GDPD5: variants seen among roughly 807,000 people sequenced by gnomAD.
GDPD5 encodes glycerophosphodiester phosphodiesterase domain containing 5.
GDPD5 carries 48 observed loss-of-function variants against 75.1 expected under a neutral mutation model. The observed-to-expected ratio is 0.64, with a 90% CI of 0.51 to 0.81. The LOEUF is 0.81. Ranked by LOEUF, GDPD5 falls within the 40% of genes least tolerant of loss-of-function variation. The pLI is 0.00. For missense variants in GDPD5, 706 were observed against 822.6 expected (o/e 0.86, Z 1.73); for synonymous variants, 336 against 339.0 (o/e 0.99, Z 0.10).
At chr11:75,462,513 C>T (rs1949435921) in intron 4 of GDPD5, among the ~76,000 whole-genome samples, 2 of 152,192 alleles carry the variant, frequency 1.3e-5, no homozygotes, top group Non-Finnish European at 2.9e-5. Context: ...TCTCTGTTTC[C>T]TCCTCCTCTT....
chr11:75,522,985 G>A (rs1489427871), intron 1 of GDPD5, among the ~76,000 whole-genome samples: 1 of 152,006 alleles, frequency 6.6e-6, no homozygotes, highest in Non-Finnish European at 1.5e-5. Flanking sequence ...ACAGCAGCCT[G>A]AGCTGAGCAA....
chr11:75,461,983 C>A (rs148819263), intron 4 of GDPD5, among the ~76,000 whole-genome samples: 109 of 151,062 alleles, frequency 7.2e-4, no homozygotes, highest in African/African-American at 2.4e-3. Context: ...CCTCCTGTAC[C>A]CAGGTAAGTG....
intron 15 of GDPD5, chr11:75,439,208 G>GCGAGC (rs1357382139): frequency 1.8e-5 from 7 of 396,932 alleles, no homozygotes; most frequent in African/African-American, 4.1e-5. Flanking sequence ...GAGGCTTCAG[G>GCGAGC]CGAGCGCGCT....
chr11:75,495,474 G>C (rs1950192536), intron 1 of GDPD5, among the ~76,000 whole-genome samples: 1 of 151,044 alleles, frequency 6.6e-6, no homozygotes, highest in African/African-American at 2.4e-5. Flanking sequence ...CTCAAAAAAA[G>C]AAAAAAAAGA....
intron 4 of GDPD5, among the ~76,000 whole-genome samples, chr11:75,461,755 C>T (rs771114149): frequency 6.6e-6 from 1 of 152,196 alleles, no homozygotes; most frequent in African/African-American, 2.4e-5. Flanking sequence ...TGCTCATCGC[C>T]ATGCTGACCT....
chr11:75,441,038 T>C (rs757158387), intron 14 of GDPD5, 125 bp downstream of exon 14: 16 of 925,556 alleles, frequency 1.7e-5, no homozygotes, highest in Non-Finnish European at 2.7e-5. Context: ...ACGCCCACCA[T>C]GGACTCCCCA....
intron 4 of GDPD5, among the ~76,000 whole-genome samples, chr11:75,459,319 G>A (rs1189351657): frequency 1.3e-5 from 2 of 148,172 alleles, no homozygotes; most frequent in East Asian, 4.1e-4. Flanking sequence ...ACAATTATAG[G>A]GTCAAAGAGA....
At chr11:75,501,845 G>T (rs1021167103) in intron 1 of GDPD5, among the ~76,000 whole-genome samples, 18 of 152,298 alleles carry the variant, frequency 1.2e-4, no homozygotes, top group African/African-American at 4.3e-4. Context: ...TCTGAGCAGA[G>T]AACAATCATG....
At chr11:75,493,266 T>C (rs1165933310) in intron 1 of GDPD5, among the ~76,000 whole-genome samples, 6 of 91,622 alleles carry the variant, frequency 6.5e-5, no homozygotes, top group Non-Finnish European at 9.9e-5. Flanking sequence ...CACACACAAA[T>C]AAATTCATTA....
chr11:75,475,791 T>C (rs192530299), intron 3 of GDPD5, among the ~76,000 whole-genome samples: 99 of 152,272 alleles, frequency 6.5e-4, no homozygotes, highest in African/African-American at 2.3e-3. Context: ...GCCTAGCTCA[T>C]GGCCCCCTGC....
At position 75,503,177 on chromosome 11, in the gene GDPD5, GC is replaced by G. The variant is rs1950328283; in HGVS notation, c.-144-12858del. Among the ~76,000 whole-genome samples the G allele has an allele frequency of 2.0e-5, 3 of 152,252 alleles. No homozygotes were observed. In the South Asian group the frequency reaches 6.2e-4, roughly 32 times the overall value. ...TGGGATTACATGTGTGCACCACCAT[GC>G]CCAGCTAATTTTTGTATTTTTAATA... On this transcript the variant is annotated intron_variant, in intron 1 of 16. Transcript: ENST00000336898.
In GDPD5 at chr11:75,441,776, GC is replaced by G. The variant is rs1167770711; in HGVS notation, c.1194del (p.Arg398SerfsTer32). The G allele has an allele frequency of 6.2e-7, 1 of 1,610,140 alleles. No homozygotes were observed. Among genetic ancestry groups the G allele is most frequent in the Non-Finnish European group, 8.5e-7 (1 of 1,179,862 alleles). On this transcript the variant is annotated frameshift_variant, in exon 13 of 17. Transcript: ENST00000336898. LOFTEE classifies it high-confidence loss of function. Reference sequence around the variant, plus strand: ...CCGGGAGCCACCTTCCGCACCAGGGGCCTCTGCCTGCTAGGCAGCCACATGA... The same window carrying G: ...CCGGGAGCCACCTTCCGCACCAGGGGCTCTGCCTGCTAGGCAGCCACATGA... ...HQVMWLPSRQ[R>X]PLVRKVAPGF...
In GDPD5 at chr11:75,434,907, A is replaced by G. The variant is rs1540214; in HGVS notation, c.*600T>C. 0.97 allele frequency: 148,907 copies of G among 152,842 alleles called. 72,664 individuals are homozygous for G. Among genetic ancestry groups the G allele is most frequent in the Middle Eastern group, 1 (294 of 294 alleles). 9.5% of individuals were successfully genotyped at this position (152,842 alleles called of 1,614,324 possible). The stretch of plus-strand genomic sequence containing the variant: ...TTTGGCCATCTCCAGCTGCTCCTAG[A>G]GGACGTGGCTCAGGCCCGCTCCTGG... On this transcript the variant is annotated 3_prime_UTR_variant, in exon 17 of 17. Transcript: ENST00000336898.
At chr11:75,491,915 C>G (rs934932221) in intron 1 of GDPD5, among the ~76,000 whole-genome samples, 11 of 152,174 alleles carry the variant, frequency 7.2e-5, no homozygotes, top group Admixed American at 5.9e-4. Context: ...GCCCCTCCCC[C>G]CATTAGACAG....
chr11:75,442,003 T>G (rs1948829793), intron 12 of GDPD5, among the ~76,000 whole-genome samples, 200 bp from the exon 13 acceptor site: 1 of 152,202 alleles, frequency 6.6e-6, no homozygotes, highest in Non-Finnish European at 1.5e-5. Flanking sequence ...ACTTCGCTTC[T>G]GGCCTGCTGT....
chr11:75,476,290 T>C (rs1019046046), intron 3 of GDPD5, among the ~76,000 whole-genome samples: 3 of 152,006 alleles, frequency 2.0e-5, no homozygotes, highest in Admixed American at 6.6e-5. Flanking sequence ...CCTGTCTCAA[T>C]GGCTAGTCAT....
intron 4 of GDPD5, among the ~76,000 whole-genome samples, chr11:75,461,782 G>T (rs964758305): frequency 3.3e-5 from 5 of 152,206 alleles, no homozygotes; most frequent in African/African-American, 1.2e-4. Flanking sequence ...CTGATCAAAA[G>T]GAAGGAACAG....
chr11:75,451,664 A>G (rs1177534820), intron 6 of GDPD5: 2 of 152,216 alleles, frequency 1.3e-5, no homozygotes, highest in Non-Finnish European at 2.9e-5. Flanking sequence ...CCTTGTGGCC[A>G]TCGTGGGAGG....
At chr11:75,465,261 A>C (rs1436609038) in intron 3 of GDPD5, among the ~76,000 whole-genome samples, 1 of 152,204 alleles carries the variant, frequency 6.6e-6, no homozygotes, top group South Asian at 2.1e-4. Flanking sequence ...CGGTTCCCCA[A>C]ACAGGCTCTT....
Sources: gnomAD v4.1 joint callset for allele counts (sites outside exome capture counted in the v4.1 genomes callset) on GRCh38, gnomAD v4.1.1 for gene constraint, MANE v1.5 for transcripts, NCBI Gene and HGNC (gene_info 2026-07-23, HGNC 2026-07-21) for gene names.